Variants in HIVEP1 observed in about 807,000 individuals in gnomAD.
HIVEP1 encodes zinc finger protein 40.
Under a neutral mutation model 180.0 loss-of-function variants are expected in HIVEP1, and 36 were observed. The ratio of observed to expected loss-of-function variants is 0.20; its 90% confidence interval spans 0.15 to 0.26. HIVEP1 has a LOEUF of 0.26. Among genes scored for constraint, HIVEP1 ranks in the 10% least tolerant of loss-of-function variants. The probability of loss-of-function intolerance (pLI) is 1.00; values close to 1 mark genes in which losing one functional copy is unlikely to be tolerated. For missense variants in HIVEP1, 3,143 were observed against 3,268.7 expected, an observed-to-expected ratio of 0.96 and a Z score of 0.94; for synonymous variants, 1,239 against 1,239.0, an observed-to-expected ratio of 1.00 and a Z score of 0.00.
At chr6:12,131,985 A>G (rs1454526095) in intron 6 of HIVEP1, among the ~76,000 whole-genome samples, 1 of 152,146 alleles carries the variant, frequency 6.6e-6, no homozygotes, top group Non-Finnish European at 1.5e-5. Flanking sequence ...TGTAACAACT[A>G]CATGCTTCAA....
In HIVEP1 at chr6:12,125,687, C is replaced by T; in HGVS notation, c.5892C>T (p.Ala1964=). The stretch of plus-strand genomic sequence containing the variant: ...CTCAGAAGGACCAGAAAACTTCAGC[C>T]TATACTGATTGGACAGTAAGCGCCA... ...HLPQKDQKTS[A]YTDWTVSASN... is the part of the protein sequence containing the mutation. Residue 1964 remains alanine, a synonymous_variant, in exon 4 of 9, where the codon GCC becomes GCT. Coordinates refer to ENST00000379388, the MANE Select transcript of HIVEP1 (RefSeq NM_002114.4). 1 of 1,614,174 alleles carries T rather than the reference C, an allele frequency of 6.2e-7. No individual in the cohort carries two copies.
intron 7 of HIVEP1, among the ~76,000 whole-genome samples, chr6:12,145,740 C>G (rs1759337199): frequency 6.6e-6 from 1 of 152,126 alleles, no homozygotes; most frequent in Non-Finnish European, 1.5e-5. Flanking sequence ...TAACCACCAC[C>G]AGACACTTGT....
At chr6:12,090,735 C>CTTTTTTT (rs35266647) in intron 3 of HIVEP1, among the ~76,000 whole-genome samples, 55 of 82,436 alleles carry the variant, frequency 6.7e-4, no homozygotes, top group African/African-American at 2.1e-3. Context: ...TATAGCCAGC[C>CTTTTTTT]TTTTTTTTTT....
chr6:12,111,109 A>G (rs929741861), intron 3 of HIVEP1, among the ~76,000 whole-genome samples: 28 of 152,236 alleles, frequency 1.8e-4, no homozygotes. Context: ...CCCCAAAATA[A>G]TTACAACAGT....
chr6:12,118,837 C>G (rs1775382056), intron 3 of HIVEP1, among the ~76,000 whole-genome samples: 1 of 152,204 alleles, frequency 6.6e-6, no homozygotes, highest in African/African-American at 2.4e-5. Context: ...TGACTATGGT[C>G]TGCTCTAGAA....
At chr6:12,038,607 G>C (rs770352636) in intron 2 of HIVEP1, 12 of 152,500 alleles carry the variant, frequency 7.9e-5, no homozygotes, top group Non-Finnish European at 1.8e-4. Flanking sequence ...AGGAGGCGGA[G>C]GTTGCAGTGA....
chr6:12,058,847 TCTATGTAA>T (rs1323865887), intron 2 of HIVEP1, among the ~76,000 whole-genome samples: 2 of 152,208 alleles, frequency 1.3e-5, no homozygotes, highest in African/African-American at 4.8e-5. Flanking sequence ...CATGTAAATA[TCTATGTAA>T]GTATGTACAT....
chr6:12,076,175 A>G (rs1581635130), intron 2 of HIVEP1, among the ~76,000 whole-genome samples: 1 of 152,188 alleles, frequency 6.6e-6, no homozygotes, highest in African/African-American at 2.4e-5. Context: ...AAGAATATTA[A>G]CTGATTGCTT....
chr6:12,135,781 T>C lies in HIVEP1; in HGVS notation c.6386-10T>C, dbSNP rs1374034151. On this transcript the variant is annotated splice_polypyrimidine_tract_variant and intron_variant, in intron 6 of 8. Coordinates refer to ENST00000379388, the MANE Select transcript of HIVEP1 (RefSeq NM_002114.4). ...CTACTTAAGCTTAGTAAACATTCTT[T>C]TCCCTTAAGGAAATCTGACAAAACA... 2 of 1,573,294 alleles carry C rather than the reference T, an allele frequency of 1.3e-6. No individual in the cohort carries two copies.
At chr6:12,095,770 G>A (rs935147804) in intron 3 of HIVEP1, among the ~76,000 whole-genome samples, 1 of 151,850 alleles carries the variant, frequency 6.6e-6, no homozygotes, top group African/African-American at 2.4e-5. Flanking sequence ...TAACCCAAGG[G>A]AGTGCAACCA....
intron 4 of HIVEP1, among the ~76,000 whole-genome samples, chr6:12,129,180 A>C (rs941671280): frequency 4.6e-5 from 7 of 152,224 alleles, no homozygotes; most frequent in African/African-American, 1.7e-4. Flanking sequence ...ACTGCACTCC[A>C]GCCTGGGCAA....
At chr6:12,174,883 A>G in the HIVEP1 span, among the ~76,000 whole-genome samples, 1 of 132,646 alleles carries the variant, frequency 7.5e-6, no homozygotes, top group Non-Finnish European at 1.7e-5. Flanking sequence ...AATGATTTGT[A>G]ATGTAATTTA....
intron 6 of HIVEP1, among the ~76,000 whole-genome samples, chr6:12,131,220 G>A (rs1290216207): frequency 1.3e-5 from 2 of 151,838 alleles, no homozygotes; most frequent in Non-Finnish European, 2.9e-5. Context: ...AATTGCAGTT[G>A]TACAACATGA....
downstream of HIVEP1, among the ~76,000 whole-genome samples, chr6:12,165,551 T>C (rs1051093863): frequency 2.0e-5 from 3 of 152,218 alleles, no homozygotes; most frequent in African/African-American, 7.2e-5. Context: ...CATTACTATT[T>C]CCTGTCCTGG....
At chr6:12,032,369 C>T (rs1769015334) in intron 2 of HIVEP1, among the ~76,000 whole-genome samples, 1 of 151,982 alleles carries the variant, frequency 6.6e-6, no homozygotes, top group African/African-American at 2.4e-5. Flanking sequence ...GTCTCGATTT[C>T]CTGACCTTGT....
At chr6:12,147,984 T>C (rs565415924) in intron 7 of HIVEP1, among the ~76,000 whole-genome samples, 9 of 152,230 alleles carry the variant, frequency 5.9e-5, no homozygotes, top group African/African-American at 1.9e-4. Flanking sequence ...TTAACGCTTC[T>C]GTATATGTTT....
At chr6:12,207,941 G>T in the HIVEP1 span, among the ~76,000 whole-genome samples, 6 of 151,154 alleles carry the variant, frequency 4.0e-5, no homozygotes, top group Non-Finnish European at 8.8e-5. Flanking sequence ...ATGGATCATG[G>T]ATGTGGAAGA....
rs115830764 is a variant in HIVEP1 at position 12,024,745 on chromosome 6, T to C, written c.40+9077T>C. Among the ~76,000 whole-genome samples, 952 of 152,316 alleles carry C rather than the reference T, an allele frequency of 6.3e-3. 14 individuals carry two copies. The highest frequency in any genetic ancestry group is 0.022 in the African/African-American group (920 of 41,566). On this transcript the variant is annotated intron_variant, in intron 2 of 8. Coordinates refer to ENST00000379388, the MANE Select transcript of HIVEP1 (RefSeq NM_002114.4). Reference sequence around the variant, plus strand: ...TTTAAAGATAAAGAGAAAAATAAACTGGGCTGATACACAGGGACTTGGAAG... The same window carrying C: ...TTTAAAGATAAAGAGAAAAATAAACCGGGCTGATACACAGGGACTTGGAAG...
intron 7 of HIVEP1, among the ~76,000 whole-genome samples, chr6:12,149,277 A>G (rs1200419428): frequency 1.3e-5 from 2 of 152,208 alleles, no homozygotes; most frequent in Non-Finnish European, 2.9e-5. Context: ...TAAAAAGGAC[A>G]AAATTTGGGA....
Sources: gnomAD v4.1 joint callset for allele counts (sites outside exome capture counted in the v4.1 genomes callset) on GRCh38, gnomAD v4.1.1 for gene constraint, MANE v1.5 for transcripts, NCBI Gene and HGNC (gene_info 2026-07-23, HGNC 2026-07-21) for gene names.